Variants in SPATA6L observed in about 807,000 individuals in gnomAD.
SPATA6L encodes spermatogenesis associated 6 like.
SPATA6L carries 68 observed loss-of-function variants against 49.2 expected under a neutral mutation model. The observed-to-expected ratio is 1.38, with a 90% CI of 1.14 to 1.69. The LOEUF is 1.69. Among genes scored for constraint, SPATA6L ranks in the 40% most tolerant of loss-of-function variants. The probability of loss-of-function intolerance (pLI) is 0.00; values close to 1 mark genes in which losing one functional copy is unlikely to be tolerated. For missense variants in SPATA6L, 668 were observed against 464.3 expected (o/e 1.44, Z -4.03); for synonymous variants, 198 against 165.7 (o/e 1.19, Z -1.50).
chr9:4,605,219 G>GT, intron 10 of SPATA6L, 128 bp downstream of exon 10: 1 of 707,562 alleles, frequency 1.4e-6, no homozygotes, highest in East Asian at 2.7e-5. Context: ...AATCTCCTTG[G>GT]TAAGCCTCAC....
At chr9:4,593,565 C>T (rs1822043184), downstream of SPATA6L, among the ~76,000 whole-genome samples, 1 of 152,118 alleles carries the variant, frequency 6.6e-6, no homozygotes, top group African/African-American at 2.4e-5. Flanking sequence ...ATTCTTTATA[C>T]TGTGACTCCA....
At chr9:4,594,817 T>C (rs545925500), downstream of SPATA6L, among the ~76,000 whole-genome samples, 5 of 152,214 alleles carry the variant, frequency 3.3e-5, no homozygotes, top group African/African-American at 1.2e-4. Flanking sequence ...TTGATAATCC[T>C]CTAAATTCTA....
chr9:4,657,455 T>C (rs756267362), intron 2 of SPATA6L, among the ~76,000 whole-genome samples: 10 of 151,828 alleles, frequency 6.6e-5, no homozygotes, highest in Non-Finnish European at 1.0e-4. Flanking sequence ...TAAATTAGAA[T>C]AAGATCATAC....
chr9:4,662,070 G>A lies in SPATA6L; in HGVS notation c.40-34C>T, dbSNP rs766852698. The A allele has an allele frequency of 9.9e-6, 16 of 1,608,854 alleles. No homozygotes were observed. Among genetic ancestry groups the A allele is most frequent in the Non-Finnish European group, 1.3e-5 (15 of 1,177,436 alleles). On this transcript the variant is annotated intron_variant, in intron 1 of 11. Coordinates refer to ENST00000682582, the MANE Select transcript of SPATA6L (RefSeq NM_001353486.2). The surrounding 1 kb of genome is among the most constrained non-coding windows in gnomAD (Gnocchi z 4.9). ...GAAAGAAAACAACAAACAAGGGAGA[G>A]AAAACAGACTTTGCTTTGTTTTGTT...
chr9:4,638,564 T>A (rs2130601967), intron 3 of SPATA6L, among the ~76,000 whole-genome samples: 1 of 152,162 alleles, frequency 6.6e-6, no homozygotes, highest in East Asian at 1.9e-4. Flanking sequence ...AGTCTCATCC[T>A]GGCCTTCTTC....
Position 4,625,068 on chromosome 9 carries a change from C to G in SPATA6L, c.669+259G>C. 5 of 423,120 alleles carry G rather than the reference C, an allele frequency of 1.2e-5. No individual in the cohort carries two copies. In the South Asian group the frequency reaches 1.9e-4, roughly 16 times the overall value. 26.2% of individuals were successfully genotyped at this position (423,120 alleles called of 1,614,324 possible). ...CAAGTTATCATGTGTAGGCATTATA[C>G]TCTGTTAATAATTTTCAAAAATTAA... On this transcript the variant is annotated intron_variant, in intron 6 of 11. Coordinates refer to ENST00000682582, the MANE Select transcript of SPATA6L (RefSeq NM_001353486.2).
At chr9:4,634,231 C>T (rs563743426) in intron 4 of SPATA6L, among the ~76,000 whole-genome samples, 1 of 152,050 alleles carries the variant, frequency 6.6e-6, no homozygotes, top group Non-Finnish European at 1.5e-5. Flanking sequence ...AGTTTTTAAC[C>T]CCTTTTATCT....
At chr9:4,622,010 T>C (rs1829417662) in intron 7 of SPATA6L, among the ~76,000 whole-genome samples, 1 of 152,212 alleles carries the variant, frequency 6.6e-6, no homozygotes, top group Non-Finnish European at 1.5e-5. Flanking sequence ...AAGCAAATGT[T>C]ACATCTCCTG....
intron 2 of SPATA6L, among the ~76,000 whole-genome samples, chr9:4,658,056 C>A (rs1838716997): frequency 6.6e-6 from 1 of 152,152 alleles, no homozygotes; most frequent in Non-Finnish European, 1.5e-5. Flanking sequence ...GGAGAGAGGC[C>A]TGGAATAGGT....
chr9:4,658,331 A>G (rs76831092), intron 2 of SPATA6L, among the ~76,000 whole-genome samples: 1,994 of 152,370 alleles, frequency 0.013, 40 homozygotes, highest in African/African-American at 0.045. Context: ...AATGCTTCAG[A>G]AAATTCCATT....
chr9:4,638,007 T>C (rs1207294413), intron 3 of SPATA6L, among the ~76,000 whole-genome samples: 6 of 152,218 alleles, frequency 3.9e-5, no homozygotes, highest in South Asian at 2.1e-4. Context: ...GAACCTCCTA[T>C]GTAGTAAGAC....
intron 3 of SPATA6L, among the ~76,000 whole-genome samples, chr9:4,649,155 T>G (rs570021840): frequency 1.3e-5 from 2 of 152,318 alleles, no homozygotes; most frequent in South Asian, 4.1e-4. Flanking sequence ...TCCACATTTT[T>G]GCAATTGCAA....
At chr9:4,643,102 G>C (rs1363948340) in intron 3 of SPATA6L, among the ~76,000 whole-genome samples, 1 of 152,086 alleles carries the variant, frequency 6.6e-6, no homozygotes, top group African/African-American at 2.4e-5. Context: ...CTGCCTCCCG[G>C]GTTCAAGCAG....
intron 3 of SPATA6L, among the ~76,000 whole-genome samples, chr9:4,654,881 A>AGT (rs777402920): frequency 1.3e-5 from 2 of 152,140 alleles, no homozygotes; most frequent in Non-Finnish European, 1.5e-5. Context: ...GGAAAGCAGG[A>AGT]GTGCCTGTCC....
chr9:4,622,324 G>A (rs922388176), intron 7 of SPATA6L, 84 bp downstream of exon 7: 2 of 836,628 alleles, frequency 2.4e-6, no homozygotes, highest in Non-Finnish European at 4.0e-6. Context: ...AACATCACCT[G>A]TGATTCCTCA....
At chr9:4,604,350 G>A (rs1824175931) in intron 10 of SPATA6L, 81 bp from the exon 11 acceptor site, 4 of 886,444 alleles carry the variant, frequency 4.5e-6, no homozygotes, top group Non-Finnish European at 7.3e-6. Flanking sequence ...AGTTTTGCAT[G>A]TAGGAGGTCT....
chr9:4,645,014 A>G (rs1298285593), intron 3 of SPATA6L, among the ~76,000 whole-genome samples: 1 of 152,260 alleles, frequency 6.6e-6, no homozygotes, highest in African/African-American at 2.4e-5. Flanking sequence ...AAAAGTGGCT[A>G]TAAACACTAC....
At chr9:4,623,479 C>T (rs1829786527) in intron 6 of SPATA6L, among the ~76,000 whole-genome samples, 1 of 151,538 alleles carries the variant, frequency 6.6e-6, no homozygotes, top group Non-Finnish European at 1.5e-5. Context: ...TGTTTTTTAA[C>T]ATTTTAATAA....
At chr9:4,589,502 G>A (rs1181292393) in intron 13 of SPATA6L, among the ~76,000 whole-genome samples, 2 of 152,190 alleles carry the variant, frequency 1.3e-5, no homozygotes, top group Non-Finnish European at 2.9e-5. Context: ...CTATAAAGGG[G>A]AAACCCTTTC....
Sources: gnomAD v4.1 joint callset for allele counts (sites outside exome capture counted in the v4.1 genomes callset) on GRCh38, gnomAD v4.1.1 for gene constraint, Gnocchi (gnomAD v3.1) non-coding constraint, MANE v1.5 for transcripts, NCBI Gene and HGNC (gene_info 2026-07-23, HGNC 2026-07-21) for gene names.